Variants in LSAMP observed in about 807,000 individuals in gnomAD.
The protein encoded by LSAMP is limbic system-associated membrane protein.
LSAMP carries 7 observed loss-of-function variants against 38.6 expected under a neutral mutation model. The observed-to-expected ratio is 0.18, with a 90% CI of 0.10 to 0.34. LSAMP has a LOEUF of 0.34. Among genes scored for constraint, LSAMP ranks in the 10% least tolerant of loss-of-function variants. LSAMP has a pLI of 1.00. For missense variants in LSAMP, 313 were observed against 420.0 expected (o/e 0.75, Z 2.23); for synonymous variants, 154 against 166.8 (o/e 0.92, Z 0.59).
intron 2 of LSAMP, among the ~76,000 whole-genome samples, chr3:116,055,173 A>G (rs1941467649): frequency 6.6e-6 from 1 of 152,198 alleles, no homozygotes; most frequent in African/African-American, 2.4e-5. Context: ...TATGCTATGG[A>G]AATGTGTTAT....
At chr3:116,138,313 A>G (rs1033421755) in intron 1 of LSAMP, among the ~76,000 whole-genome samples, 3 of 152,150 alleles carry the variant, frequency 2.0e-5, no homozygotes, top group Non-Finnish European at 4.4e-5. Flanking sequence ...AACATAATTC[A>G]TAATTCAATC....
chr3:116,169,936 C>G (rs1710155923), intron 1 of LSAMP, among the ~76,000 whole-genome samples: 1 of 152,106 alleles, frequency 6.6e-6, no homozygotes, highest in Admixed American at 6.5e-5. Flanking sequence ...TTGTTACAGG[C>G]TGTAAACACC....
chr3:116,188,718 A>G (rs1416337502), intron 1 of LSAMP, among the ~76,000 whole-genome samples: 1 of 152,210 alleles, frequency 6.6e-6, no homozygotes, highest in Non-Finnish European at 1.5e-5. Context: ...CTTAACATGT[A>G]TTTCTTGAGC....
intron 2 of LSAMP, among the ~76,000 whole-genome samples, chr3:116,041,091 G>A (rs1244311893): frequency 6.6e-6 from 1 of 151,888 alleles, no homozygotes; most frequent in Non-Finnish European, 1.5e-5. Flanking sequence ...ACCTGGATAA[G>A]TTTTAAACTT....
chr3:116,289,262 T>C (rs2047231776), intron 1 of LSAMP, among the ~76,000 whole-genome samples: 1 of 152,220 alleles, frequency 6.6e-6, no homozygotes, highest in South Asian at 2.1e-4. Flanking sequence ...TTGTCAAACA[T>C]TTGAAAACTG....
At chr3:116,205,118 A>G (rs1396706407) in intron 1 of LSAMP, among the ~76,000 whole-genome samples, 1 of 146,638 alleles carries the variant, frequency 6.8e-6, no homozygotes, top group East Asian at 2.0e-4. Context: ...GGTCCTTCAC[A>G]TCCCTTGTAA....
chr3:116,299,877 C>T (rs1156558364), intron 1 of LSAMP, among the ~76,000 whole-genome samples: 5 of 151,970 alleles, frequency 3.3e-5, no homozygotes, highest in African/African-American at 1.2e-4. Context: ...CAACAGCTTG[C>T]TGCAACCACA....
intron 1 of LSAMP, among the ~76,000 whole-genome samples, chr3:116,300,810 G>T (rs2047397261): frequency 6.6e-6 from 1 of 152,066 alleles, no homozygotes; most frequent in Admixed American, 6.6e-5. Flanking sequence ...TTCTAGCAAT[G>T]ATCTGTCAAG....
intron 2 of LSAMP, among the ~76,000 whole-genome samples, chr3:116,030,467 G>T (rs888104789): frequency 6.6e-6 from 1 of 152,124 alleles, no homozygotes; most frequent in Non-Finnish European, 1.5e-5. Context: ...CAGCCATTTG[G>T]ATATTTGTTT....
In LSAMP at chr3:115,810,075, C is replaced by T. The variant is rs909410237; in HGVS notation, c.*242G>A. On this transcript the variant is annotated 3_prime_UTR_variant, in exon 7 of 7. Transcript: ENST00000490035. ...TTGCTTAGTAGATATAAACATATCC[C>T]AGTAGAACCTTCTCCATCCTGAATG... 7 of 464,506 alleles carry T rather than the reference C, an allele frequency of 1.5e-5. No homozygotes were observed. The highest frequency in any genetic ancestry group is 3.7e-5 in the Admixed American group (1 of 27,360). 28.8% of individuals were successfully genotyped at this position (464,506 alleles called of 1,614,324 possible). A position where few individuals can be genotyped will look rare whatever the true frequency, so the allele number is the denominator to read the frequency against.
intron 2 of LSAMP, among the ~76,000 whole-genome samples, chr3:116,077,690 C>T (rs907378477): frequency 1.3e-5 from 2 of 152,148 alleles, no homozygotes; most frequent in Admixed American, 6.5e-5. Context: ...GTATCCTTCA[C>T]CCAGACTCTA....
chr3:115,882,314 T>C (rs1391623273), intron 3 of LSAMP, among the ~76,000 whole-genome samples: 1 of 152,112 alleles, frequency 6.6e-6, no homozygotes. Context: ...CTAAATATTT[T>C]AATAAGATTT....
At chr3:116,034,921 G>GAAT (rs1489687653) in intron 2 of LSAMP, among the ~76,000 whole-genome samples, 5 of 152,274 alleles carry the variant, frequency 3.3e-5, no homozygotes, top group African/African-American at 1.2e-4. Context: ...AAACGTAAAA[G>GAAT]AATGCAAAAC....
chr3:116,058,986 G>C (rs777762413), intron 2 of LSAMP, among the ~76,000 whole-genome samples: 1 of 151,238 alleles, frequency 6.6e-6, no homozygotes, highest in African/African-American at 2.4e-5. Context: ...TGCTTATGCT[G>C]TGCTAGACAT....
At chr3:116,277,416 T>C (rs139634384) in intron 1 of LSAMP, among the ~76,000 whole-genome samples, 2 of 151,962 alleles carry the variant, frequency 1.3e-5, no homozygotes, top group East Asian at 3.9e-4. Flanking sequence ...TCGCCCAGGC[T>C]GGAGTGCAGT....
intron 1 of LSAMP, among the ~76,000 whole-genome samples, chr3:116,132,334 T>C (rs974572823): frequency 3.3e-5 from 5 of 151,652 alleles, no homozygotes; most frequent in African/African-American, 9.7e-5. Context: ...CCATTCCCCA[T>C]AGGACACTCA....
intron 1 of LSAMP, among the ~76,000 whole-genome samples, chr3:116,097,572 C>T (rs1708251671): frequency 6.6e-6 from 1 of 152,112 alleles, no homozygotes; most frequent in African/African-American, 2.4e-5. Flanking sequence ...ACGAAGTTAA[C>T]ACATAATAAG....
At chr3:116,105,848 G>A (rs1576365546) in intron 1 of LSAMP, among the ~76,000 whole-genome samples, 2 of 152,252 alleles carry the variant, frequency 1.3e-5, no homozygotes, top group South Asian at 4.1e-4. Flanking sequence ...AAGTGTTGGG[G>A]CGGCAAAAAT....
chr3:115,834,578 GA>G (rs1934724202), intron 6 of LSAMP: 2 of 1,274,836 alleles, frequency 1.6e-6, no homozygotes, highest in Non-Finnish European at 2.0e-6. Flanking sequence ...TGGGGTGGGG[GA>G]TTGTGGGTAA....
Sources: gnomAD v4.1 joint callset for allele counts (sites outside exome capture counted in the v4.1 genomes callset) on GRCh38, gnomAD v4.1.1 for gene constraint, MANE v1.5 for transcripts, NCBI Gene and HGNC (gene_info 2026-07-23, HGNC 2026-07-21) for gene names.